The following DHX29 variants were observed in gnomAD, a reference collection of about 807,000 sequenced individuals.
The protein encoded by DHX29 is ATP-dependent RNA helicase DHX29.
Under a neutral mutation model 167.9 loss-of-function variants are expected in DHX29, and 79 were observed. That is an observed-to-expected ratio of 0.47 (90% CI 0.39 to 0.57). The LOEUF (loss-of-function observed/expected upper bound fraction) is 0.57, where lower values mean the gene tolerates loss of function less well. Ranked by LOEUF, DHX29 falls within the 20% of genes least tolerant of loss-of-function variation. The pLI, the probability that DHX29 is intolerant of heterozygous loss-of-function variation, is 0.00. For synonymous variants in DHX29, 530 were observed against 546.0 expected (o/e 0.97, Z 0.41); for missense variants, 1,347 against 1,593.4 (o/e 0.85, Z 2.63).
Position 55,307,625 on chromosome 5 carries a change from T to A in DHX29, c.-52A>T, listed in dbSNP as rs777371389. ...GCGGCCCAGGCCCCGACGGTACCAC[T>A]GCACAGCCGAGAGCTCTTCACATTC... On this transcript the variant is annotated 5_prime_UTR_variant, in exon 1 of 27. Transcript: ENST00000251636. 6.2e-7 allele frequency: 1 copy of A among 1,601,698 alleles called. No homozygotes were observed. The highest frequency in any genetic ancestry group is 8.5e-7 in the Non-Finnish European group (1 of 1,175,020).
At chr5:55,302,712 T>C (rs767478508) in intron 1 of DHX29, among the ~76,000 whole-genome samples, 2 of 152,206 alleles carry the variant, frequency 1.3e-5, no homozygotes, top group East Asian at 1.9e-4. Flanking sequence ...TATCACTTCC[T>C]TGAAGTTGGC....
At chr5:55,282,684 G>A (rs1381734892) in intron 11 of DHX29, among the ~76,000 whole-genome samples, 1 of 151,982 alleles carries the variant, frequency 6.6e-6, no homozygotes, top group Admixed American at 6.6e-5. Flanking sequence ...GGTTTGGCCA[G>A]TTTTGCATAT....
chr5:55,302,351 C>A lies in DHX29; in HGVS notation c.188-3687G>T, dbSNP rs115165993. Among the ~76,000 whole-genome samples the A allele has an allele frequency of 3.6e-3, 545 of 152,248 alleles. 2 individuals carry two copies. Among genetic ancestry groups the A allele is most frequent in the African/African-American group, 0.012 (500 of 41,540 alleles). On this transcript the variant is annotated intron_variant, in intron 1 of 26. Transcript: ENST00000251636. Reference sequence around the variant, plus strand: ...ATAGATGAGCAGTACATTACCAAGACTACATGGAGAAACAGTTCAAAGTTC... The same window carrying A: ...ATAGATGAGCAGTACATTACCAAGAATACATGGAGAAACAGTTCAAAGTTC...
At chr5:55,259,462 T>C (rs896851059) in intron 26 of DHX29, among the ~76,000 whole-genome samples, 7 of 152,202 alleles carry the variant, frequency 4.6e-5, no homozygotes, top group African/African-American at 9.6e-5. Flanking sequence ...AGTTTCTTTT[T>C]TTCTTTTTTG....
At position 55,283,396 on chromosome 5, in the gene DHX29, A is replaced by T. The variant is rs759438536; in HGVS notation, c.1772T>A (p.Val591Glu). 1 of 1,614,178 alleles carries T rather than the reference A, an allele frequency of 6.2e-7. No individual in the cohort carries two copies. The highest frequency in any genetic ancestry group is 2.2e-5 in the East Asian group (1 of 44,882). Residue 591 changes from valine to glutamate, a missense_variant, in exon 11 of 27, where the codon GTG (valine) becomes GAG (glutamate). Transcript: ENST00000251636. The part of the protein sequence containing the change: ...IVETLKRHRV[V>E]VVAGETGSGK... ...ACTCCCTGTTTCACCTGCCACAACCACTACCCGATGCCTTTTAAGAGTTTC... is the reference window on the plus strand; with the variant it reads ...ACTCCCTGTTTCACCTGCCACAACCTCTACCCGATGCCTTTTAAGAGTTTC...
chr5:55,274,788 A>G (rs1164032108), intron 15 of DHX29, 57 bp from the exon 16 acceptor site: 1 of 1,562,082 alleles, frequency 6.4e-7, no homozygotes, highest in Admixed American at 2.0e-5. Flanking sequence ...ACAGCATATA[A>G]AATATTAATA....
rs113696099 is a variant in DHX29 at position 55,294,000 on chromosome 5, C to T, written c.780+17G>A. The T allele has an allele frequency of 2.9e-3, 4,593 of 1,600,726 alleles. 77 individuals are homozygous for T. The African/African-American group carries it at 0.042, about 15-fold the overall frequency. On this transcript the variant is annotated intron_variant, in intron 6 of 26. Coordinates refer to ENST00000251636, the MANE Select transcript of DHX29 (RefSeq NM_019030.4). The stretch of plus-strand genomic sequence containing the variant: ...TAAGAGCATCCAGTTAGAAGCCTAA[C>T]ACAAATTTCTACTCACAGGGTCAAA...
intron 22 of DHX29, 44 bp from the exon 23 acceptor site, chr5:55,267,275 T>C (rs1011191679): frequency 3.4e-6 from 5 of 1,454,246 alleles, no homozygotes; most frequent in Non-Finnish European, 4.8e-6. Flanking sequence ...TTCACCATGT[T>C]CTCTTTCCAA....
At position 55,276,271 on chromosome 5, in the gene DHX29, AT is replaced by A; in HGVS notation, c.2421del (p.Lys807AsnfsTer16). The A allele has an allele frequency of 1.3e-6, 2 of 1,571,588 alleles. No homozygotes were observed. Among genetic ancestry groups the A allele is most frequent in the Non-Finnish European group, 1.7e-6 (2 of 1,167,608 alleles). ...TCAAAATATTTTCTTTTTACCTGAT[AT>A]TTTTTTATTCCCCCTGCTTTGCTTG... ...NVTSKAGGIK[K>X]YQEYIPVQTG... On this transcript the variant is annotated frameshift_variant, in exon 14 of 27. Coordinates refer to ENST00000251636, the MANE Select transcript of DHX29 (RefSeq NM_019030.4). LOFTEE classifies it high-confidence loss of function.
intron 23 of DHX29, among the ~76,000 whole-genome samples, chr5:55,264,479 C>CTTTT (rs1488350809): frequency 6.6e-6 from 1 of 152,138 alleles, no homozygotes; most frequent in Non-Finnish European, 1.5e-5. Context: ...ATAGAATTTC[C>CTTTT]TGAAAAGGAA....
chr5:55,287,810 G>A (rs1579799174), intron 8 of DHX29, among the ~76,000 whole-genome samples: 1 of 151,360 alleles, frequency 6.6e-6, no homozygotes, highest in African/African-American at 2.4e-5. Flanking sequence ...TTAGCCAGGC[G>A]TGGTGGCACA....
At position 55,266,794 on chromosome 5, in the gene DHX29, T is replaced by C. The variant is rs527767079; in HGVS notation, c.3525+344A>G. Among the ~76,000 whole-genome samples the C allele has an allele frequency of 2.0e-5, 3 of 152,136 alleles. No homozygotes were observed. The East Asian group carries it at 5.8e-4, about 30-fold the overall frequency. On this transcript the variant is annotated intron_variant, in intron 23 of 26. Transcript: ENST00000251636. ...CCATGCCCATTTAATTTTTTTATTT[T>C]TGGTAGAGACGCAGTCTCACTATGT...
chr5:55,295,472 A>C lies in DHX29; in HGVS notation c.558T>G (p.Ser186Arg). 4 of 1,613,972 alleles carry C rather than the reference A, an allele frequency of 2.5e-6. No individual in the cohort carries two copies. The highest frequency in any genetic ancestry group is 2.5e-6 in the Non-Finnish European group (3 of 1,179,908). ...TTTGAGGAGACTGAAATTTAGGCCT[A>C]CTTTTAGGTTGCTGCTCTTCAAATT... The part of the protein sequence containing the change: ...SQEFEEQQPK[S>R]RPKFQSPQIQ... Residue 186 changes from serine (S) to arginine (R), a missense_variant, in exon 5 of 27, where the codon AGT (serine) becomes AGG (arginine). Around this residue, in one of 3 missense-constraint regions of DHX29, gnomAD observed 405 missense variants for 416.8 expected, o/e 0.97. Transcript: ENST00000251636.
chr5:55,296,278 G>A lies in DHX29; in HGVS notation c.447C>T (p.Leu149=). Residue 149 remains leucine, a synonymous_variant, in exon 4 of 27, where the codon CTC becomes CTT. Coordinates refer to ENST00000251636, the MANE Select transcript of DHX29 (RefSeq NM_019030.4). ...KDIEDAMTNT[L]LYGGDLHSAL... ...CAGAATGAAGGTCACCTCCATATAA[G>A]AGTGTATTGGTCATGGCATCTTCAA... 6.2e-7 allele frequency: 1 copy of A among 1,613,596 alleles called. No homozygotes were observed. Among genetic ancestry groups the A allele is most frequent in the Non-Finnish European group, 8.5e-7 (1 of 1,179,714 alleles).
intron 4 of DHX29, 67 bp downstream of exon 4, chr5:55,296,153 G>A: frequency 2.0e-6 from 3 of 1,503,090 alleles, no homozygotes; most frequent in East Asian, 2.3e-5. Context: ...GAGCCAAAAG[G>A]TTGATACAAA....
intron 16 of DHX29, among the ~76,000 whole-genome samples, chr5:55,273,947 C>T (rs370582870): frequency 3.9e-5 from 6 of 151,998 alleles, no homozygotes; most frequent in African/African-American, 1.2e-4. Flanking sequence ...ATTAGCTGGG[C>T]GTGGTGGCAT....
intron 8 of DHX29, among the ~76,000 whole-genome samples, chr5:55,287,058 C>T (rs1024421217): frequency 2.0e-5 from 3 of 152,164 alleles, no homozygotes; most frequent in East Asian, 1.9e-4. Context: ...TTTGTAATTA[C>T]GTATTGTATA....
intron 21 of DHX29, among the ~76,000 whole-genome samples, chr5:55,268,517 G>A (rs182842240): frequency 1.2e-4 from 19 of 152,096 alleles, no homozygotes; most frequent in African/African-American, 2.9e-4. Context: ...CTCCTACTCC[G>A]GGGCTCTAGC....
chr5:55,300,907 G>T (rs1254213717), intron 1 of DHX29, among the ~76,000 whole-genome samples: 1 of 152,158 alleles, frequency 6.6e-6, no homozygotes, highest in African/African-American at 2.4e-5. Context: ...AGGTTGGGAA[G>T]TCCAAGATTA....
Sources: allele counts gnomAD v4.1 joint callset (sites outside exome capture counted in the v4.1 genomes callset), GRCh38; gene constraint gnomAD v4.1.1; regional missense constraint gnomAD v4.1.1; transcripts MANE v1.5; gene names NCBI Gene and HGNC (gene_info 2026-07-23, HGNC 2026-07-21).